ERAP1: variants seen among roughly 807,000 people sequenced by gnomAD.
ERAP1 encodes adipocyte-derived leucine aminopeptidase.
A neutral mutation model predicts 103.7 loss-of-function variants in ERAP1; 86 were observed. That is an observed-to-expected ratio of 0.83 (90% confidence interval 0.70 to 0.99). ERAP1 has a LOEUF of 0.99. Ranked by LOEUF, ERAP1 falls within the 50% of genes least tolerant of loss-of-function variation. The pLI, the probability that ERAP1 is intolerant of heterozygous loss-of-function variation, is 0.00. For synonymous variants in ERAP1, 398 were observed against 402.4 expected, an observed-to-expected ratio of 0.99 and a Z score of 0.13; for missense variants, 1,009 against 1,128.4, an observed-to-expected ratio of 0.89 and a Z score of 1.52.
the ERAP1 span, among the ~76,000 whole-genome samples, chr5:96,895,551 T>C: frequency 6.6e-6 from 1 of 152,274 alleles, no homozygotes; most frequent in East Asian, 1.9e-4. Context: ...ACAATCAACA[T>C]AAATCTGTCA....
chr5:96,878,009 G>C, the ERAP1 span, among the ~76,000 whole-genome samples: 1 of 152,186 alleles, frequency 6.6e-6, no homozygotes, highest in Non-Finnish European at 1.5e-5. Context: ...AACCTTCATG[G>C]TTTGAGTTGG....
the ERAP1 span, among the ~76,000 whole-genome samples, chr5:96,860,139 G>A: frequency 6.6e-6 from 1 of 152,054 alleles, no homozygotes; most frequent in African/African-American, 2.4e-5. Flanking sequence ...TCGGCTCACT[G>A]CAACCTCTGT....
chr5:96,869,852 G>A, the ERAP1 span, among the ~76,000 whole-genome samples: 1 of 152,248 alleles, frequency 6.6e-6, no homozygotes, highest in Non-Finnish European at 1.5e-5. Context: ...AAATCTGCAA[G>A]TGGGACAGGG....
Position 96,788,612 on chromosome 5 carries a change from A to G in ERAP1, c.1598T>C (p.Ile533Thr). ...TWTLQKGFPL[I>T]TITVRGRNVH... ...ATTCCTCCCCCTCACTGTGATGGTT[A>G]TTAGGGGAAAACCCTTCTGCAGTGT... Residue 533 changes from isoleucine (I) to threonine (T), a missense_variant, in exon 11 of 19, where the codon ATA becomes ACA. By Grantham distance (89) the Ile-to-Thr change is moderately conservative. Coordinates refer to ENST00000443439, the MANE Select transcript of ERAP1 (RefSeq NM_001040458.3). 2 of 1,614,194 alleles carry G rather than the reference A, an allele frequency of 1.2e-6. No individual in the cohort carries two copies. Among genetic ancestry groups the G allele is most frequent in the Non-Finnish European group, 1.7e-6 (2 of 1,180,020 alleles).
At chr5:96,794,171 CTTTTTTTT>C (rs35041937) in intron 5 of ERAP1, among the ~76,000 whole-genome samples, 40 of 68,730 alleles carry the variant, frequency 5.8e-4, no homozygotes, top group Non-Finnish European at 7.1e-4. Flanking sequence ...CATCTCAGGC[CTTTTTTTT>C]TTTTTTTTTT....
At chr5:96,898,329 G>C in the ERAP1 span, among the ~76,000 whole-genome samples, 1 of 151,964 alleles carries the variant, frequency 6.6e-6, no homozygotes, top group South Asian at 2.1e-4. Context: ...CAACTGATGT[G>C]TGATTTTGTG....
At chr5:96,788,750 A>G (rs11743410) in intron 10 of ERAP1, 65 bp from the exon 11 acceptor site, 180,529 of 1,577,132 alleles carry the variant, frequency 0.11, 11,321 homozygotes, top group Non-Finnish European at 0.13. Context: ...AAGAGAGAAC[A>G]CCAGCTTATG....
downstream of ERAP1, chr5:96,769,487 T>C (rs987412773): frequency 2.6e-5 from 4 of 152,018 alleles, no homozygotes; most frequent in African/African-American, 9.7e-5. Context: ...TTGTGTATAT[T>C]TGAGGTTTAC....
At chr5:96,884,684 AG>A in the ERAP1 span, among the ~76,000 whole-genome samples, 1 of 150,676 alleles carries the variant, frequency 6.6e-6, no homozygotes, top group Non-Finnish European at 1.5e-5. Flanking sequence ...CAGCCTCCCA[AG>A]TAGCTGGGAT....
At chr5:96,895,478 G>A in the ERAP1 span, 1 of 741,958 alleles carries the variant, frequency 1.3e-6, no homozygotes, top group Non-Finnish European at 2.3e-6. Context: ...TTGAACATAT[G>A]GCATTTTGTT....
chr5:96,865,851 G>T, the ERAP1 span, among the ~76,000 whole-genome samples: 1 of 152,134 alleles, frequency 6.6e-6, no homozygotes, highest in African/African-American at 2.4e-5. Context: ...GTCCACACAA[G>T]CGGTGCAATA....
At chr5:96,844,276 A>C in the ERAP1 span, among the ~76,000 whole-genome samples, 1 of 152,016 alleles carries the variant, frequency 6.6e-6, no homozygotes, top group South Asian at 2.1e-4. Flanking sequence ...CAGCAATCAA[A>C]CTCTGTCACT....
At chr5:96,830,946 C>T in the ERAP1 span, among the ~76,000 whole-genome samples, 1 of 152,204 alleles carries the variant, frequency 6.6e-6, no homozygotes, top group East Asian at 1.9e-4. Flanking sequence ...CAGGCATCTG[C>T]AGAACCCGTG....
chr5:96,808,502 T>G (rs931025728), upstream of ERAP1, among the ~76,000 whole-genome samples: 2 of 152,000 alleles, frequency 1.3e-5, no homozygotes, highest in East Asian at 3.9e-4. Flanking sequence ...CCCAGTACTC[T>G]GTCGTGGCAA....
the ERAP1 span, among the ~76,000 whole-genome samples, chr5:96,833,405 T>G: frequency 6.6e-6 from 1 of 152,250 alleles, no homozygotes; most frequent in African/African-American, 2.4e-5. Context: ...TGGAAATGTA[T>G]GTTTGTTTAC....
rs1008906723 is a variant in ERAP1 at position 96,781,290 on chromosome 5, A to T, written c.2448-92T>A. On this transcript the variant is annotated intron_variant, in intron 16 of 18. Coordinates refer to ENST00000443439, the MANE Select transcript of ERAP1 (RefSeq NM_001040458.3). ...TAAAATTACTTGTAAAAGAAAAAAA[A>T]GTCTGCCAGTAACAAAGGTTAAAAA... 8.3e-6 allele frequency: 11 copies of T among 1,332,640 alleles called. No homozygotes were observed. The African/African-American group carries it at 1.3e-4, about 16-fold the overall frequency. 82.6% of individuals were successfully genotyped at this position (1,332,640 alleles called of 1,614,324 possible).
At chr5:96,782,298 C>T (rs1003537687) in intron 15 of ERAP1, among the ~76,000 whole-genome samples, 5 of 151,938 alleles carry the variant, frequency 3.3e-5, no homozygotes, top group African/African-American at 9.7e-5. Flanking sequence ...CGTGAGCCAC[C>T]GCGCCTGGCC....
At chr5:96,827,596 T>C in the ERAP1 span, among the ~76,000 whole-genome samples, 3 of 151,910 alleles carry the variant, frequency 2.0e-5, no homozygotes, top group African/African-American at 7.3e-5. Flanking sequence ...ACCCAGGAGG[T>C]GGAGGTTGCA....
Position 96,793,838 on chromosome 5 carries a change from T to C in ERAP1, c.1039A>G (p.Ile347Val), listed in dbSNP as rs746169335. 3.3e-5 allele frequency: 53 copies of C among 1,613,994 alleles called. No individual in the cohort carries two copies. In the Admixed American group the frequency reaches 8.7e-4, roughly 26 times the overall value. Residue 347 changes from isoleucine (I) to valine (V), a missense_variant, in exon 6 of 19, where the codon ATC (isoleucine) becomes GTC (valine). Transcript: ENST00000443439. ...EKSSASSKLG[I>V]TMTVAHELAH... ...AGTTCATGGGCCACAGTCATTGTGA[T>C]GCCAAGCTTACTTGATGCAGAAGAC...
Sources: allele counts gnomAD v4.1 joint callset (sites outside exome capture counted in the v4.1 genomes callset), GRCh38; gene constraint gnomAD v4.1.1; transcripts MANE v1.5; gene names NCBI Gene and HGNC (gene_info 2026-07-23, HGNC 2026-07-21).